Variants in FMN2 observed in about 807,000 individuals in gnomAD.
FMN2 encodes formin-2.
Under a neutral mutation model 142.3 loss-of-function variants are expected in FMN2, and 51 were observed. That is an observed-to-expected ratio of 0.36 (90% CI 0.29 to 0.45). The LOEUF (loss-of-function observed/expected upper bound fraction) is 0.45, where lower values mean the gene tolerates loss of function less well. Ranked by LOEUF, FMN2 falls within the 20% of genes least tolerant of loss-of-function variation. The pLI is 1.00. For synonymous variants in FMN2, 882 were observed against 869.8 expected (o/e 1.01, Z -0.25); for missense variants, 1,936 against 2,122.8 (o/e 0.91, Z 1.73).
intron 1 of FMN2, 64 bp from the exon 2 acceptor site, chr1:240,123,115 C>T: frequency 6.3e-7 from 1 of 1,584,410 alleles, no homozygotes; most frequent in Non-Finnish European, 8.6e-7. Flanking sequence ...GCCGCTGTCC[C>T]CTGGCGAGTT....
intron 16 of FMN2, among the ~76,000 whole-genome samples, chr1:240,449,057 AC>A (rs1189517168): frequency 4.0e-5 from 6 of 151,740 alleles, no homozygotes; most frequent in Non-Finnish European, 8.8e-5. Context: ...TGGGAGGATC[AC>A]TTGAGTCTGG....
chr1:240,367,649 T>A (rs1487247801), intron 14 of FMN2, among the ~76,000 whole-genome samples: 2 of 150,990 alleles, frequency 1.3e-5, no homozygotes, highest in Non-Finnish European at 2.9e-5. Flanking sequence ...GCTCCTGTAG[T>A]CCCAGCTACT....
At chr1:240,392,959 G>T (rs1226706110) in intron 15 of FMN2, among the ~76,000 whole-genome samples, 1 of 150,044 alleles carries the variant, frequency 6.7e-6, no homozygotes, top group Non-Finnish European at 1.5e-5. Context: ...TTCATTTCCA[G>T]AATGGAGACT....
chr1:240,467,053 T>C (rs1210542443), intron 16 of FMN2, among the ~76,000 whole-genome samples: 2 of 152,168 alleles, frequency 1.3e-5, no homozygotes, highest in Non-Finnish European at 2.9e-5. Flanking sequence ...GCATGCTGGC[T>C]CTATCAAGAA....
intron 13 of FMN2, among the ~76,000 whole-genome samples, chr1:240,347,325 T>G (rs1171188598): frequency 6.6e-6 from 1 of 152,180 alleles, no homozygotes; most frequent in Non-Finnish European, 1.5e-5. Context: ...GACGTTCCAC[T>G]GACATCTGAA....
At chr1:240,282,117 C>T (rs1669416265) in intron 7 of FMN2, among the ~76,000 whole-genome samples, 1 of 152,182 alleles carries the variant, frequency 6.6e-6, no homozygotes, top group Non-Finnish European at 1.5e-5. Context: ...CTGTTTTCCA[C>T]ACAATAGAGG....
intron 15 of FMN2, among the ~76,000 whole-genome samples, chr1:240,407,013 G>A (rs540540247): frequency 1.3e-5 from 2 of 152,206 alleles, no homozygotes; most frequent in South Asian, 2.1e-4. Context: ...TGTCTACTCC[G>A]GCATGCATCA....
chr1:240,394,337 GT>G (rs1310003948), intron 15 of FMN2, among the ~76,000 whole-genome samples: 1 of 152,156 alleles, frequency 6.6e-6, no homozygotes, highest in Non-Finnish European at 1.5e-5. Flanking sequence ...CATTGAGCCT[GT>G]TTCAATTCCC....
At chr1:240,307,788 AT>A (rs1236390916) in intron 8 of FMN2, among the ~76,000 whole-genome samples, 8 of 152,062 alleles carry the variant, frequency 5.3e-5, no homozygotes, top group African/African-American at 1.7e-4. Context: ...GATGTTTGTA[AT>A]TTGATAGGAA....
chr1:240,117,003 G>A (rs965079556), intron 1 of FMN2, among the ~76,000 whole-genome samples: 6 of 151,972 alleles, frequency 3.9e-5, no homozygotes, highest in African/African-American at 1.2e-4. Flanking sequence ...GCATGTTTGT[G>A]TGATACTGGG....
At chr1:240,423,723 C>A (rs951923284) in intron 15 of FMN2, among the ~76,000 whole-genome samples, 4 of 152,224 alleles carry the variant, frequency 2.6e-5, no homozygotes, top group African/African-American at 9.6e-5. Context: ...ATTGCTGACT[C>A]GCCAAAAGGC....
intron 8 of FMN2, among the ~76,000 whole-genome samples, chr1:240,296,139 C>T (rs1414843951): frequency 7.3e-5 from 11 of 150,846 alleles, no homozygotes; most frequent in Non-Finnish European, 1.3e-4. Flanking sequence ...TTTCTCTATA[C>T]TGCTACAGTT....
chr1:240,293,794 C>G (rs1211282553), intron 7 of FMN2, among the ~76,000 whole-genome samples: 1 of 152,120 alleles, frequency 6.6e-6, no homozygotes, highest in African/African-American at 2.4e-5. Context: ...CCCTTCCCAG[C>G]TCCAAATACA....
At chr1:240,145,264 C>T in intron 2 of FMN2, 3 of 1,448,764 alleles carry the variant, frequency 2.1e-6, no homozygotes, top group Non-Finnish European at 2.8e-6. Flanking sequence ...TGTCCTTGTC[C>T]CCGGCATCCC....
intron 7 of FMN2, among the ~76,000 whole-genome samples, chr1:240,259,771 T>C (rs1023335453): frequency 6.6e-6 from 1 of 152,178 alleles, no homozygotes; most frequent in Non-Finnish European, 1.5e-5. Context: ...TTTATTTCCA[T>C]AGGTTTTTGG....
chr1:240,388,227 CAAAAAAAAAAAAAAAA>C (rs761610582), intron 14 of FMN2, among the ~76,000 whole-genome samples: 2 of 6,052 alleles, frequency 3.3e-4, no homozygotes, highest in South Asian at 0.017. Flanking sequence ...GTGCTCAAAG[CAAAAAAAAAAAAAAAA>C]AAAAAAAAAA....
intron 16 of FMN2, among the ~76,000 whole-genome samples, chr1:240,466,106 T>C (rs1371676759): frequency 1.3e-5 from 2 of 152,200 alleles, no homozygotes; most frequent in African/African-American, 4.8e-5. Context: ...TGGGAGAAAC[T>C]TTTTGTTGGT....
chr1:240,252,826 T>A (rs1328114070), intron 6 of FMN2, among the ~76,000 whole-genome samples: 1 of 151,906 alleles, frequency 6.6e-6, no homozygotes, highest in Non-Finnish European at 1.5e-5. Flanking sequence ...ACTTGGGAAT[T>A]TTTTTTAGCT....
At chr1:240,160,248 A>G (rs1307411235) in intron 2 of FMN2, among the ~76,000 whole-genome samples, 2 of 150,962 alleles carry the variant, frequency 1.3e-5, no homozygotes, top group African/African-American at 4.8e-5. Context: ...AGATACAGTC[A>G]TTAGAAAACT....
Sources: gnomAD v4.1 joint callset for allele counts (sites outside exome capture counted in the v4.1 genomes callset) on GRCh38, gnomAD v4.1.1 for gene constraint, MANE v1.5 for transcripts, NCBI Gene and HGNC (gene_info 2026-07-23, HGNC 2026-07-21) for gene names.